The following MAPK8IP1 variants were observed in gnomAD, a reference collection of about 807,000 sequenced individuals.
MAPK8IP1 encodes mitogen-activated protein kinase 8 interacting protein 1, also known as C-Jun-amino-terminal kinase-interacting protein 1.
MAPK8IP1 carries 17 observed loss-of-function variants against 72.6 expected under a neutral mutation model. The ratio of observed to expected loss-of-function variants is 0.23; its 90% confidence interval spans 0.16 to 0.35. The LOEUF (loss-of-function observed/expected upper bound fraction) is 0.35. Among genes scored for constraint, MAPK8IP1 ranks in the 10% least tolerant of loss-of-function variants. MAPK8IP1 has a pLI of 1.00. For missense variants in MAPK8IP1, 789 were observed against 1,009.7 expected, an observed-to-expected ratio of 0.78 and a Z score of 2.96; for synonymous variants, 401 against 443.4, an observed-to-expected ratio of 0.90 and a Z score of 1.20.
At chr11:45,895,633 A>AAAAAAT (rs1554960474) in intron 1 of MAPK8IP1, among the ~76,000 whole-genome samples, 2 of 42,516 alleles carry the variant, frequency 4.7e-5, no homozygotes, top group African/African-American at 9.6e-5. Context: ...AAAAAAAAAA[A>AAAAAAT]ATATATATAT....
rs756139375 is a variant in MAPK8IP1, at chr11:45,902,802, T to C, written c.1035T>C (p.Ala345=). ...GFDCLSSPER[A]EPPGGGWRGS... is the part of the protein sequence containing the mutation. ...ACTGCCTGTCGTCCCCAGAGCGGGC[T>C]GAGCCCCCAGGCGGAGGGTGGCGGG... The change falls in exon 5 of 12, where the codon GCT becomes GCC. Residue 345 remains alanine, a synonymous_variant. Transcript: ENST00000241014. The surrounding 1 kb of genome is among the most constrained non-coding windows in gnomAD (Gnocchi z 9.3). 2 of 1,588,586 alleles carry C rather than the reference T, an allele frequency of 1.3e-6. No homozygotes were observed. The highest frequency in any genetic ancestry group is 2.3e-5 in the East Asian group (1 of 44,026).
chr11:45,888,677 T>G (rs531166026), intron 1 of MAPK8IP1, among the ~76,000 whole-genome samples: 6 of 152,076 alleles, frequency 3.9e-5, no homozygotes, highest in Admixed American at 3.9e-4. Context: ...GGGTGAGGGA[T>G]TTTTACTTCT....
In MAPK8IP1 at chr11:45,900,514, G is replaced by C; in HGVS notation, c.522+62G>C. 2 of 1,512,262 alleles carry C rather than the reference G, an allele frequency of 1.3e-6. No individual in the cohort carries two copies. Among genetic ancestry groups the C allele is most frequent in the South Asian group, 2.4e-5 (2 of 82,190 alleles). 93.7% of individuals were successfully genotyped at this position (1,512,262 alleles called of 1,614,324 possible). ...CCGCGGAGATGTGAGGGGGAGCGCA[G>C]AGGGGCTGCAGCGGGAAGGGGCACC... On this transcript the variant is annotated intron_variant, in intron 3 of 11. Transcript: ENST00000241014. The surrounding 1 kb of genome is among the most constrained non-coding windows in gnomAD (Gnocchi z 6.5).
At chr11:45,898,022 A>ACAG in intron 1 of MAPK8IP1, 63 bp from the exon 2 acceptor site, 1 of 977,386 alleles carries the variant, frequency 1.0e-6, no homozygotes, top group South Asian at 1.3e-5. Context: ...GGAAGAGGTA[A>ACAG]CAGGGAGATG....
chr11:45,906,361 G>C lies in MAPK8IP1; in HGVS notation c.*640G>C. ...GGCGGGGAGGAGGAGCTGCCGCAAG[G>C]CCCTGTCCCAGCAGAAGAGGGAGGC... On this transcript the variant is annotated 3_prime_UTR_variant, in exon 12 of 12. Coordinates refer to ENST00000241014, the MANE Select transcript of MAPK8IP1 (RefSeq NM_005456.4). 1.8e-6 allele frequency: 1 copy of C among 554,692 alleles called. No individual in the cohort carries two copies. The highest frequency in any genetic ancestry group is 2.9e-6 in the Non-Finnish European group (1 of 348,988). 34.4% of individuals were successfully genotyped at this position (554,692 alleles called of 1,614,324 possible). A position where few individuals can be genotyped will look rare whatever the true frequency, so the allele number is the denominator to read the frequency against.
Position 45,902,569 on chromosome 11 carries a change from C to T in MAPK8IP1, c.802C>T (p.His268Tyr), listed in dbSNP as rs2086664126. The T allele has an allele frequency of 6.2e-7, 1 of 1,612,658 alleles. No individual in the cohort carries two copies. Among genetic ancestry groups the T allele is most frequent in the South Asian group, 1.1e-5 (1 of 91,058 alleles). Residue 268 changes from histidine to tyrosine, a missense_variant, in exon 5 of 12, where the codon CAC (histidine) becomes TAC (tyrosine). Transcript: ENST00000241014. This position sits in a 1 kb window ranked among gnomAD's most constrained non-coding sequence, Gnocchi z 9.3. ...GGGCCACTCGCATCGAGACCGAATC[C>T]ACTACCAGGCCGATGTGCGACTAGA... The part of the protein sequence containing the change: ...GRGHSHRDRI[H>Y]YQADVRLEAT...
rs199887311 is a variant in MAPK8IP1, at chr11:45,905,171, A to G, written c.1985A>G (p.Lys662Arg). 130 of 1,613,664 alleles carry G rather than the reference A, an allele frequency of 8.1e-5. No homozygotes were observed. Among genetic ancestry groups the G allele is most frequent in the Non-Finnish European group, 9.7e-5 (114 of 1,179,996 alleles). The change falls in exon 11 of 12, where the codon AAG becomes AGG. Residue 662 changes from lysine to arginine, a missense_variant. Coordinates refer to ENST00000241014, the MANE Select transcript of MAPK8IP1 (RefSeq NM_005456.4). ...KNNKYFGFIT[K>R]HPADHRFACH... ...TGCAGGTACTTTGGGTTCATCACCA[A>G]GCACCCCGCCGACCACCGGTTTGCC...
chr11:45,905,372 C>T (rs536325968), intron 11 of MAPK8IP1, 123 bp downstream of exon 11: 43 of 974,004 alleles, frequency 4.4e-5, no homozygotes, highest in East Asian at 1.6e-4. Flanking sequence ...GAACTATCTC[C>T]GGACCCCAGT....
intron 1 of MAPK8IP1, chr11:45,896,490 A>AG (rs71308368): frequency 0.21 from 215,004 of 1,001,786 alleles, 23,773 homozygotes; most frequent in Non-Finnish European, 0.23. Flanking sequence ...TGGGCCAGGG[A>AG]GGGGGGGCCA....
intron 1 of MAPK8IP1, among the ~76,000 whole-genome samples, chr11:45,889,934 A>C (rs1471904982): frequency 6.6e-6 from 1 of 152,072 alleles, no homozygotes; most frequent in East Asian, 1.9e-4. Context: ...CCATCATGCT[A>C]TTGGTGTTGT....
At position 45,905,651 on chromosome 11, in the gene MAPK8IP1, G is replaced by A; in HGVS notation, c.2066G>A (p.Arg689Lys). Reference protein sequence around the residue: ...STKALAESVGRAFQQFYKQFV... With the variant: ...STKALAESVGKAFQQFYKQFV... The stretch of plus-strand genomic sequence containing the variant: ...TCTGTGTGTCCCCTGGCTTCTAGGA[G>A]AGCATTCCAGCAGTTCTACAAGCAG... Residue 689 changes from arginine to lysine, a missense_variant and splice_region_variant, in exon 12 of 12, where the codon AGA (arginine) becomes AAA (lysine). By Grantham distance (26) the Arg-to-Lys change is conservative (BLOSUM62 2). This residue lies in a region of MAPK8IP1 where 188 missense variants were observed against 293.3 expected (regional missense o/e 0.64). Coordinates refer to ENST00000241014, the MANE Select transcript of MAPK8IP1 (RefSeq NM_005456.4). The A allele has an allele frequency of 6.2e-7, 1 of 1,613,796 alleles. No individual in the cohort carries two copies. Among genetic ancestry groups the A allele is most frequent in the East Asian group, 2.2e-5 (1 of 44,884 alleles).
At position 45,900,488 on chromosome 11, in the gene MAPK8IP1, G is replaced by A. The variant is rs977232447; in HGVS notation, c.522+36G>A. The A allele has an allele frequency of 5.9e-6, 9 of 1,529,168 alleles. No homozygotes were observed. Among genetic ancestry groups the A allele is most frequent in the South Asian group, 1.2e-5 (1 of 83,534 alleles). The allele number at this position is 1,529,168 out of a possible 1,614,324, so 94.7% of individuals were successfully genotyped here. A position where few individuals can be genotyped will look rare whatever the true frequency, so the allele number is the denominator to read the frequency against. ...AACGTGGGGGGCGGCGCCCTGGGCC[G>A]CCGCGGAGATGTGAGGGGGAGCGCA... On this transcript the variant is annotated intron_variant, in intron 3 of 11. Coordinates refer to ENST00000241014, the MANE Select transcript of MAPK8IP1 (RefSeq NM_005456.4). The surrounding 1 kb of genome is among the most constrained non-coding windows in gnomAD (Gnocchi z 6.5).
Position 45,904,441 on chromosome 11 carries a change from C to G in MAPK8IP1, c.1667-14C>G. ...GCTCTTTCTGCCCCTCCTCAATTCA[C>G]GCTTGCTTTCCAGCCCTGGCCAAAA... On this transcript the variant is annotated splice_polypyrimidine_tract_variant and intron_variant, in intron 7 of 11. Transcript: ENST00000241014. The surrounding 1 kb of genome is among the most constrained non-coding windows in gnomAD (Gnocchi z 6.4). The G allele has an allele frequency of 6.2e-7, 1 of 1,607,414 alleles. No individual in the cohort carries two copies. The highest frequency in any genetic ancestry group is 1.1e-5 in the South Asian group (1 of 90,894).
In MAPK8IP1 at chr11:45,904,199, C is replaced by T. The variant is rs759313558; in HGVS notation, c.1666+38C>T. The stretch of plus-strand genomic sequence containing the variant: ...CCCTGGCCTGTGCCCCCAGCCACCA[C>T]ATCTGTCTGCCCCAACTTGCTGCTA... On this transcript the variant is annotated intron_variant, in intron 7 of 11. Transcript: ENST00000241014. This position sits in a 1 kb window ranked among gnomAD's most constrained non-coding sequence, Gnocchi z 6.4. 2.0e-5 allele frequency: 32 copies of T among 1,599,144 alleles called. No individual in the cohort carries two copies. The African/African-American group carries it at 4.2e-4, about 21-fold the overall frequency.
At chr11:45,899,981 G>A (rs1208580406) in intron 2 of MAPK8IP1, among the ~76,000 whole-genome samples, 157 bp from the exon 3 acceptor site, 3 of 152,114 alleles carry the variant, frequency 2.0e-5, no homozygotes, top group African/African-American at 7.2e-5. Context: ...TCCTCGCGGC[G>A]GACGGGCGAG....
At position 45,904,540 on chromosome 11, in the gene MAPK8IP1, C is replaced by T. The variant is rs559537569; in HGVS notation, c.1752C>T (p.Asp584=). 2.7e-5 allele frequency: 44 copies of T among 1,614,200 alleles called. No individual in the cohort carries two copies. In the East Asian group the frequency reaches 7.1e-4, roughly 26 times the overall value. ...SVQVPYHKGN[D]VLCAAMQKIA... Reference sequence around the variant, plus strand: ...AGGTTCCCTATCACAAGGGCAATGACGTCCTCTGTGCTGCTATGCAAAAGG... The same window carrying T: ...AGGTTCCCTATCACAAGGGCAATGATGTCCTCTGTGCTGCTATGCAAAAGG... The change falls in exon 8 of 12, where the codon GAC becomes GAT. Residue 584 remains aspartate (D), a synonymous_variant. Transcript: ENST00000241014. The surrounding 1 kb of genome is among the most constrained non-coding windows in gnomAD (Gnocchi z 6.4).
rs1414024970 is a variant in MAPK8IP1, at chr11:45,905,179, G to A, written c.1993G>A (p.Ala665Thr). Residue 665 changes from alanine (A) to threonine (T), a missense_variant, in exon 11 of 12, where the codon GCC (alanine) becomes ACC (threonine). Coordinates refer to ENST00000241014, the MANE Select transcript of MAPK8IP1 (RefSeq NM_005456.4). ...KYFGFITKHP[A>T]DHRFACHVFV... ...CTTTGGGTTCATCACCAAGCACCCC[G>A]CCGACCACCGGTTTGCCTGCCACGT... is the stretch of plus-strand genomic sequence containing the variant. 5.0e-6 allele frequency: 8 copies of A among 1,613,298 alleles called. No individual in the cohort carries two copies. Among genetic ancestry groups the A allele is most frequent in the East Asian group, 4.5e-5 (2 of 44,876 alleles).
chr11:45,900,375 G>T lies in MAPK8IP1; in HGVS notation c.445G>T (p.Gly149Cys). 1 of 1,524,520 alleles carries T rather than the reference G, an allele frequency of 6.6e-7. No individual in the cohort carries two copies. The highest frequency in any genetic ancestry group is 8.8e-7 in the Non-Finnish European group (1 of 1,142,630). 94.4% of individuals were successfully genotyped at this position (1,524,520 alleles called of 1,614,324 possible). Reference sequence around the variant, plus strand: ...GGGCCAGAGCCAAGGCCAGAGCCAGGGCCCGGGCAGCGGGGACACGTACCG... The same window carrying T: ...GGGCCAGAGCCAAGGCCAGAGCCAGTGCCCGGGCAGCGGGGACACGTACCG... ...GQGQSQGQSQ[G>C]PGSGDTYRPK... The change falls in exon 3 of 12, where the codon GGC (glycine) becomes TGC (cysteine). Residue 149 changes from glycine (G) to cysteine (C), a missense_variant. This residue lies in a region of MAPK8IP1 where 112 missense variants were observed against 192.8 expected (regional missense o/e 0.58). Transcript: ENST00000241014. The surrounding 1 kb of genome is among the most constrained non-coding windows in gnomAD (Gnocchi z 6.5).
chr11:45,904,214 A>C lies in MAPK8IP1; in HGVS notation c.1666+53A>C. 1 of 1,574,782 alleles carries C rather than the reference A, an allele frequency of 6.4e-7. No individual in the cohort carries two copies. Among genetic ancestry groups the C allele is most frequent in the Non-Finnish European group, 8.7e-7 (1 of 1,153,338 alleles). On this transcript the variant is annotated intron_variant, in intron 7 of 11. Transcript: ENST00000241014. This position sits in a 1 kb window ranked among gnomAD's most constrained non-coding sequence, Gnocchi z 6.4. Reference sequence around the variant, plus strand: ...CCAGCCACCACATCTGTCTGCCCCAACTTGCTGCTAGGTGAACGTGTACTC... The same window carrying C: ...CCAGCCACCACATCTGTCTGCCCCACCTTGCTGCTAGGTGAACGTGTACTC...
Sources: allele counts gnomAD v4.1 joint callset (sites outside exome capture counted in the v4.1 genomes callset), GRCh38; gene constraint gnomAD v4.1.1; regional missense constraint gnomAD v4.1.1; non-coding constraint Gnocchi (gnomAD v3.1); transcripts MANE v1.5; gene names NCBI Gene and HGNC (gene_info 2026-07-23, HGNC 2026-07-21).